The following MTCL1 variants were observed in gnomAD, a reference collection of about 807,000 sequenced individuals.
MTCL1 encodes microtubule crosslinking factor 1, also known as microtubule cross-linking factor 1.
A neutral mutation model predicts 141.4 loss-of-function variants in MTCL1; 79 were observed. The ratio of observed to expected loss-of-function variants is 0.56; its 90% CI spans 0.47 to 0.67. The LOEUF (loss-of-function observed/expected upper bound fraction) is 0.67, where lower values mean the gene tolerates loss of function less well. MTCL1 is among the 30% of genes least tolerant of loss of function. MTCL1 has a pLI of 0.00. For missense variants in MTCL1, 2,177 were observed against 2,113.9 expected, an observed-to-expected ratio of 1.03 and a Z score of -0.59; for synonymous variants, 914 against 875.8, an observed-to-expected ratio of 1.04 and a Z score of -0.77.
intron 4 of MTCL1, among the ~76,000 whole-genome samples, chr18:8,756,359 ATGTATATATG>A (rs1165002295): frequency 3.1e-4 from 41 of 132,470 alleles, no homozygotes; most frequent in African/African-American, 1.5e-3. Flanking sequence ...ATGTGTATAT[ATGTATATATG>A]TGTATATATG....
At position 8,794,313 on chromosome 18, in the gene MTCL1, A is replaced by G. The variant is rs189594591; in HGVS notation, c.2010+1193A>G. On this transcript the variant is annotated intron_variant, in intron 8 of 16. Coordinates refer to ENST00000359865, the Ensembl canonical transcript of MTCL1. ...TATTGCGGAAGAGGCTTCGGATGGT[A>G]GGAGATGTCCTCCAGGCTTGTTCAG... 2.1e-3 allele frequency among the ~76,000 whole-genome samples: 323 copies of G among 152,280 alleles called. 4 individuals are homozygous for G. The highest frequency in any genetic ancestry group is 1.8e-3 in the Non-Finnish European group (122 of 68,016).
At chr18:8,748,067 T>C (rs2096350299) in intron 4 of MTCL1, among the ~76,000 whole-genome samples, 1 of 152,136 alleles carries the variant, frequency 6.6e-6, no homozygotes, top group South Asian at 2.1e-4. Flanking sequence ...TCAGAACTGC[T>C]TGTGGCCGCC....
intron 3 of MTCL1, among the ~76,000 whole-genome samples, chr18:8,718,947 C>T (rs1178345872): frequency 1.3e-5 from 2 of 152,090 alleles, no homozygotes; most frequent in Non-Finnish European, 2.9e-5. Context: ...TCTGAAAGAT[C>T]TGAAATATTT....
chr18:8,812,070 C>G (rs533871362), intron 11 of MTCL1, among the ~76,000 whole-genome samples: 1 of 147,760 alleles, frequency 6.8e-6, no homozygotes, highest in Non-Finnish European at 1.5e-5. Context: ...TAGTTTACCT[C>G]TACATATTCT....
At chr18:8,707,926 G>A (rs1162553748) in intron 1 of MTCL1, among the ~76,000 whole-genome samples, 2 of 152,228 alleles carry the variant, frequency 1.3e-5, no homozygotes, top group Non-Finnish European at 2.9e-5. Context: ...ACTGAGCCTT[G>A]TGGTTATTTT....
chr18:8,800,794 G>C (rs1213593695), intron 10 of MTCL1: 1 of 152,194 alleles, frequency 6.6e-6, no homozygotes, highest in Non-Finnish European at 1.5e-5. Context: ...AATGGTGTGG[G>C]AATGATGGCC....
At chr18:8,794,950 A>C (rs2075864087) in intron 8 of MTCL1, among the ~76,000 whole-genome samples, 1 of 152,140 alleles carries the variant, frequency 6.6e-6, no homozygotes, top group Admixed American at 6.5e-5. Flanking sequence ...TCCCCCACCC[A>C]AAAAAAGACC....
intron 4 of MTCL1, among the ~76,000 whole-genome samples, chr18:8,756,515 G>A (rs533040768): frequency 2.1e-4 from 31 of 144,926 alleles, no homozygotes; most frequent in Non-Finnish European, 3.7e-4. Context: ...GTATATATAT[G>A]TGTGTATATA....
At chr18:8,752,159 G>A (rs1311785557) in intron 4 of MTCL1, among the ~76,000 whole-genome samples, 1 of 152,180 alleles carries the variant, frequency 6.6e-6, no homozygotes, top group Non-Finnish European at 1.5e-5. Context: ...GGAGAAGAGG[G>A]CCAGGTCAGC....
Position 8,784,232 on chromosome 18 carries a change from CA to C in MTCL1, c.1121del (p.His374ProfsTer72). ...CATCCAGCGCTGCGACCTGGCAGCCCACCTGGGGCTGCGTGCCCCCAGTCCC... is the reference window on the plus strand; with the variant it reads ...CATCCAGCGCTGCGACCTGGCAGCCCCCTGGGGCTGCGTGCCCCCAGTCCC... On this transcript the variant is annotated frameshift_variant, in exon 6 of 17. Coordinates refer to ENST00000359865, the Ensembl canonical transcript of MTCL1. LOFTEE classifies it high-confidence loss of function. 1 of 1,609,336 alleles carries C rather than the reference CA, an allele frequency of 6.2e-7. No individual in the cohort carries two copies. Among genetic ancestry groups the C allele is most frequent in the Non-Finnish European group, 8.5e-7 (1 of 1,176,454 alleles).
chr18:8,793,114 C>A lies in MTCL1; in HGVS notation c.2004C>A (p.Ile668=), dbSNP rs567991006. ...AGACAGAGACATTTACAAACAAGAT[C>A]CATAAGGTAAATATTTAACACGGAC... Residue 668 remains isoleucine (I), a synonymous_variant, in exon 8 of 17, where the codon ATC becomes ATA. Coordinates refer to ENST00000359865, the Ensembl canonical transcript of MTCL1. 2.5e-6 allele frequency: 4 copies of A among 1,613,778 alleles called. No individual in the cohort carries two copies. The South Asian group carries it at 4.4e-5, about 18-fold the overall frequency.
chr18:8,783,117 G>A (rs565084554), intron 5 of MTCL1, among the ~76,000 whole-genome samples: 1 of 152,340 alleles, frequency 6.6e-6, no homozygotes, highest in South Asian at 2.1e-4. Context: ...TTGGTGAGGG[G>A]TCCTGCTGTC....
rs532004127 is a variant in MTCL1 at position 8,730,821 on chromosome 18, C to T, written c.357+10325C>T. The stretch of plus-strand genomic sequence containing the variant: ...GATTGAAGATCCATCTATTTCTCTC[C>T]TTCTCTAAGACAGCCTTTCTTGGAA... On this transcript the variant is annotated intron_variant, in intron 4 of 16. Transcript: ENST00000359865. Among the ~76,000 whole-genome samples the T allele has an allele frequency of 1.9e-4, 29 of 152,328 alleles. 1 individual carries two copies. Among genetic ancestry groups the T allele is most frequent in the African/African-American group, 7.0e-4 (29 of 41,582 alleles).
At chr18:8,745,198 T>C (rs533850538) in intron 4 of MTCL1, among the ~76,000 whole-genome samples, 1 of 152,338 alleles carries the variant, frequency 6.6e-6, no homozygotes, top group East Asian at 1.9e-4. Context: ...ATTTAAAGAA[T>C]AGTAAAAAGA....
exon 15 of MTCL1, chr18:8,826,115 C>T (rs1568115583): frequency 1.2e-6 from 2 of 1,612,958 alleles, no homozygotes; most frequent in Admixed American, 1.7e-5. Context: ...GGATCCTCAA[C>T]AAGAAGCTGC....
At chr18:8,827,175 A>G (rs1250907052) in intron 15 of MTCL1, among the ~76,000 whole-genome samples, 1 of 152,218 alleles carries the variant, frequency 6.6e-6, no homozygotes, top group Non-Finnish European at 1.5e-5. Flanking sequence ...GGCGGGGGTC[A>G]GAGGAGGAGG....
intron 4 of MTCL1, among the ~76,000 whole-genome samples, chr18:8,748,721 A>G (rs1200258534): frequency 6.6e-6 from 1 of 152,164 alleles, no homozygotes; most frequent in Non-Finnish European, 1.5e-5. Flanking sequence ...ATATTTTTGT[A>G]TTAACGTTAA....
At chr18:8,816,376 C>T (rs564343349) in intron 12 of MTCL1, among the ~76,000 whole-genome samples, 1 of 152,334 alleles carries the variant, frequency 6.6e-6, no homozygotes, top group Non-Finnish European at 1.5e-5. Flanking sequence ...TGTCCGCTGT[C>T]ATTAAATTCC....
chr18:8,721,374 G>C (rs656116), intron 4 of MTCL1, among the ~76,000 whole-genome samples: 10,225 of 152,226 alleles, frequency 0.067, 694 homozygotes, highest in African/African-American at 0.16. Context: ...CATGGGCTCT[G>C]GGTAGGGTTG....
Sources: allele counts gnomAD v4.1 joint callset (sites outside exome capture counted in the v4.1 genomes callset), GRCh38; gene constraint gnomAD v4.1.1; transcripts MANE v1.5; gene names NCBI Gene and HGNC (gene_info 2026-07-23, HGNC 2026-07-21).